ZNF804B: variants seen among roughly 807,000 people sequenced by gnomAD.
ZNF804B encodes the protein zinc finger 804B.
A neutral mutation model predicts 101.4 loss-of-function variants in ZNF804B; 80 were observed. The ratio of observed to expected loss-of-function variants is 0.79; its 90% CI spans 0.66 to 0.95. The LOEUF (loss-of-function observed/expected upper bound fraction) is 0.95, where lower values mean the gene tolerates loss of function less well. Among genes scored for constraint, ZNF804B ranks in the 40% least tolerant of loss-of-function variants. The probability of loss-of-function intolerance (pLI) is 0.00; values close to 1 mark genes in which losing one functional copy is unlikely to be tolerated. For synonymous variants in ZNF804B, 622 were observed against 558.8 expected (o/e 1.11, Z -1.59); for missense variants, 1,673 against 1,561.9 (o/e 1.07, Z -1.20).
chr7:89,171,356 TTCCTCC>T (rs145019098), intron 1 of ZNF804B, among the ~76,000 whole-genome samples: 410 of 99,022 alleles, frequency 4.1e-3, no homozygotes, highest in African/African-American at 0.012. Flanking sequence ...CTTCTTCTTC[TTCCTCC>T]TCTTCCTCTT....
At chr7:89,133,764 A>C (rs1430391123) in intron 1 of ZNF804B, among the ~76,000 whole-genome samples, 1 of 152,108 alleles carries the variant, frequency 6.6e-6, no homozygotes, top group Non-Finnish European at 1.5e-5. Flanking sequence ...AAAGGTTTCT[A>C]CAAGGAAAAT....
intron 1 of ZNF804B, among the ~76,000 whole-genome samples, chr7:88,836,444 C>G (rs1791216199): frequency 6.6e-6 from 1 of 151,860 alleles, no homozygotes; most frequent in South Asian, 2.1e-4. Context: ...CTGGACTACA[C>G]AAAGAATCAC....
chr7:88,797,419 T>A (rs1020169708), intron 1 of ZNF804B, among the ~76,000 whole-genome samples: 2 of 152,132 alleles, frequency 1.3e-5, no homozygotes, highest in Admixed American at 1.3e-4. Context: ...AGATTCTCAT[T>A]TTACAAAGTC....
chr7:89,285,522 C>CAAAAAAAAAAAAAAAAA (rs778078214), intron 2 of ZNF804B, among the ~76,000 whole-genome samples: 8 of 22,396 alleles, frequency 3.6e-4, no homozygotes, highest in African/African-American at 4.6e-4. Context: ...GACTCTGTCT[C>CAAAAAAAAAAAAAAAAA]AAAAAAAAAA....
chr7:88,799,616 T>A (rs969715711), intron 1 of ZNF804B, among the ~76,000 whole-genome samples: 4 of 152,044 alleles, frequency 2.6e-5, no homozygotes, highest in African/African-American at 9.7e-5. Context: ...ACTGTTATTA[T>A]CTACTCATTT....
chr7:89,259,759 G>T (rs1789683963), intron 2 of ZNF804B, among the ~76,000 whole-genome samples: 1 of 152,138 alleles, frequency 6.6e-6, no homozygotes, highest in Non-Finnish European at 1.5e-5. Flanking sequence ...GAGGCAGGCA[G>T]ATCACCTGAA....
At chr7:88,911,975 TATCTC>T (rs1792556540) in intron 1 of ZNF804B, among the ~76,000 whole-genome samples, 2 of 151,900 alleles carry the variant, frequency 1.3e-5, no homozygotes, top group African/African-American at 4.8e-5. Context: ...TTCCAAGTAA[TATCTC>T]ATCCTATAAA....
intron 1 of ZNF804B, among the ~76,000 whole-genome samples, chr7:88,946,799 A>G (rs1333011832): frequency 1.3e-5 from 2 of 151,926 alleles, no homozygotes; most frequent in Non-Finnish European, 2.9e-5. Flanking sequence ...TGGTCTCTTC[A>G]GGGATTTGAT....
intron 2 of ZNF804B, among the ~76,000 whole-genome samples, chr7:89,233,280 G>A (rs1281414734): frequency 6.6e-6 from 1 of 152,156 alleles, no homozygotes; most frequent in African/African-American, 2.4e-5. Context: ...AACCCTTAGA[G>A]TAACTGTTAA....
At chr7:89,044,233 A>G (rs200041689) in intron 1 of ZNF804B, among the ~76,000 whole-genome samples, 1 of 152,168 alleles carries the variant, frequency 6.6e-6, no homozygotes, top group Non-Finnish European at 1.5e-5. Context: ...TCTTCCTGCC[A>G]TCATGTGAAG....
chr7:88,865,567 A>G (rs1791714361), intron 1 of ZNF804B, among the ~76,000 whole-genome samples: 1 of 152,142 alleles, frequency 6.6e-6, no homozygotes, highest in South Asian at 2.1e-4. Context: ...ATAAATGCAT[A>G]TATAAAATGA....
chr7:88,870,692 G>A (rs987444943), intron 1 of ZNF804B, among the ~76,000 whole-genome samples: 11 of 152,100 alleles, frequency 7.2e-5, no homozygotes, highest in Admixed American at 3.9e-4. Flanking sequence ...GAGAAAAGAT[G>A]CCAAAAGGAG....
chr7:89,161,043 C>A (rs1791053507), intron 1 of ZNF804B, among the ~76,000 whole-genome samples: 1 of 152,084 alleles, frequency 6.6e-6, no homozygotes. Context: ...CCTTGTGGGA[C>A]TCCAACCACC....
intron 1 of ZNF804B, among the ~76,000 whole-genome samples, chr7:89,108,189 G>A (rs1190816516): frequency 6.6e-6 from 1 of 150,936 alleles, no homozygotes; most frequent in African/African-American, 2.4e-5. Context: ...TAACCTCTTT[G>A]TGGGCATTAG....
At chr7:89,138,712 A>T (rs6465183) in intron 1 of ZNF804B, among the ~76,000 whole-genome samples, 78,463 of 151,684 alleles carry the variant, frequency 0.52, 20,815 homozygotes, top group East Asian at 0.64. Flanking sequence ...GAGGTAATTG[A>T]ATCATAGGGG....
At chr7:88,834,001 A>G (rs1010813380) in intron 1 of ZNF804B, among the ~76,000 whole-genome samples, 3 of 151,850 alleles carry the variant, frequency 2.0e-5, no homozygotes, top group African/African-American at 7.2e-5. Context: ...TCTTATCCAG[A>G]AATGGGGCTA....
intron 1 of ZNF804B, among the ~76,000 whole-genome samples, chr7:88,914,809 T>G (rs1792608687): frequency 6.6e-6 from 1 of 152,182 alleles, no homozygotes; most frequent in East Asian, 1.9e-4. Context: ...TTATTTTGGT[T>G]TATAAGTCTT....
At chr7:89,133,974 G>A (rs995855227) in intron 1 of ZNF804B, among the ~76,000 whole-genome samples, 3 of 151,952 alleles carry the variant, frequency 2.0e-5, no homozygotes, top group African/African-American at 2.4e-5. Context: ...TCTAAGTCAC[G>A]GAATTTATGC....
chr7:89,192,125 A>G (rs144983802), intron 1 of ZNF804B, among the ~76,000 whole-genome samples: 10 of 152,266 alleles, frequency 6.6e-5, no homozygotes, highest in African/African-American at 2.2e-4. Context: ...TTGTTGAGAT[A>G]TAATACACTA....
Sources: allele counts gnomAD v4.1 joint callset (sites outside exome capture counted in the v4.1 genomes callset), GRCh38; gene constraint gnomAD v4.1.1; transcripts MANE v1.5; gene names NCBI Gene and HGNC (gene_info 2026-07-23, HGNC 2026-07-21).